The following TTC8 variants were observed in gnomAD, a reference collection of about 807,000 sequenced individuals.
TTC8 encodes tetratricopeptide repeat protein 8.
A neutral mutation model predicts 72.5 loss-of-function variants in TTC8; 47 were observed. That is an observed-to-expected ratio of 0.65 (90% CI 0.51 to 0.83). The LOEUF (loss-of-function observed/expected upper bound fraction) is 0.83. Ranked by LOEUF, TTC8 falls within the 40% of genes least tolerant of loss-of-function variation. The probability of loss-of-function intolerance (pLI) is 0.00; values close to 1 mark genes in which losing one functional copy is unlikely to be tolerated. For synonymous variants in TTC8, 199 were observed against 221.4 expected (o/e 0.90, Z 0.90); for missense variants, 611 against 623.2 (o/e 0.98, Z 0.21).
rs139659023 is a variant in TTC8 at position 88,824,729 on chromosome 14, C to T, written c.22C>T (p.Leu8=). Residue 8 remains leucine, a synonymous_variant, in exon 1 of 15, where the codon CTG becomes TTG. Transcript: ENST00000380656. ...AGCCATGAGCTCGGAGATGGAGCCG[C>T]TGCTCCTGGCCTGGAGCTATTTTAG... The part of the protein sequence containing the change: MSSEMEP[L]LLAWSYFRRR... 58 of 1,610,510 alleles carry T rather than the reference C, an allele frequency of 3.6e-5. No individual in the cohort carries two copies. The highest frequency in any genetic ancestry group is 5.5e-5 in the South Asian group (5 of 90,346).
At chr14:88,839,645 A>G in intron 3 of TTC8, 73 bp downstream of exon 3, 1 of 1,504,964 alleles carries the variant, frequency 6.6e-7, no homozygotes, top group Non-Finnish European at 9.2e-7. Flanking sequence ...AGAGGAATAT[A>G]TATGCCTATA....
chr14:88,840,874 C>T lies in TTC8; in HGVS notation c.275C>T (p.Thr92Met), dbSNP rs886050877. 10 of 1,613,922 alleles carry T rather than the reference C, an allele frequency of 6.2e-6. No individual in the cohort carries two copies. Among genetic ancestry groups the T allele is most frequent in the Admixed American group, 3.3e-5 (2 of 59,966 alleles). Reference sequence around the variant, plus strand: ...CCATCTTGTCTCCTAGGCCCTGGAACGTCTTTGAAACTCCCTGGAACTAAT... The same window carrying T: ...CCATCTTGTCTCCTAGGCCCTGGAATGTCTTTGAAACTCCCTGGAACTAAT... ...NAIAQVPRPG[T>M]SLKLPGTNQT... Residue 92 changes from threonine (T) to methionine (M), a missense_variant, in exon 4 of 15, where the codon ACG becomes ATG. By Grantham distance (81) the Thr-to-Met change is moderately conservative. Transcript: ENST00000380656.
At chr14:88,844,441 T>C (rs972049893) in intron 7 of TTC8, among the ~76,000 whole-genome samples, 3 of 152,226 alleles carry the variant, frequency 2.0e-5, no homozygotes, top group Admixed American at 6.5e-5. Flanking sequence ...CAGTGTCTGA[T>C]TGCATGTTTT....
intron 9 of TTC8, among the ~76,000 whole-genome samples, chr14:88,858,208 C>T (rs775359181): frequency 5.3e-5 from 8 of 152,134 alleles, no homozygotes; most frequent in Non-Finnish European, 1.0e-4. Flanking sequence ...GTGATCCTCC[C>T]GCCTCAGCCT....
intron 9 of TTC8, 76 bp downstream of exon 9, chr14:88,857,353 G>A: frequency 8.2e-7 from 1 of 1,216,758 alleles, no homozygotes; most frequent in Non-Finnish European, 1.2e-6. Flanking sequence ...CATGGGGAGA[G>A]TAAACAGCTT....
rs1315964041 is a variant in TTC8 at position 88,869,019 on chromosome 14, G to C, written c.910-1040G>C. On this transcript the variant is annotated intron_variant, in intron 10 of 14. Transcript: ENST00000380656. ...ATTCTGTTTAAAAAAAGCACTGCAT[G>C]GTGCTTCTTAACAATCAGTAGAGTC... is the stretch of plus-strand genomic sequence containing the variant. Among the ~76,000 whole-genome samples, 7 of 152,138 alleles carry C rather than the reference G, an allele frequency of 4.6e-5. No homozygotes were observed. The East Asian group carries it at 1.3e-3, about 29-fold the overall frequency.
At chr14:88,840,704 T>C in intron 3 of TTC8, 161 bp from the exon 4 acceptor site, 1 of 706,648 alleles carries the variant, frequency 1.4e-6, no homozygotes, top group Non-Finnish European at 2.5e-6. Context: ...ACATGATAGG[T>C]ACTCATTAAA....
intron 1 of TTC8, among the ~76,000 whole-genome samples, chr14:88,830,531 TTTA>T (rs2094720868): frequency 6.6e-6 from 1 of 152,174 alleles, no homozygotes; most frequent in South Asian, 2.1e-4. Context: ...AATGCAAGGT[TTTA>T]TTATTAGTCC....
chr14:88,846,585 T>C (rs1432008083), intron 7 of TTC8: 7 of 1,382,994 alleles, frequency 5.1e-6, no homozygotes, highest in Non-Finnish European at 5.9e-6. Flanking sequence ...GTGACAATGT[T>C]TTTTATTAAT....
intron 1 of TTC8, among the ~76,000 whole-genome samples, chr14:88,826,170 A>G (rs1186540270): frequency 6.6e-5 from 10 of 151,296 alleles, no homozygotes; most frequent in Non-Finnish European, 1.2e-4. Context: ...TTGTATTTTT[A>G]GTAGAGACGG....
rs202163736 is a variant in TTC8 at position 88,843,788 on chromosome 14, A to G, written c.580-18A>G. ...AAAAAAAAAATCTAACGTATTTTTG[A>G]CACTTTTTTCTTCACAGGCTTTGTT... On this transcript the variant is annotated intron_variant, in intron 6 of 14. Transcript: ENST00000380656. 27 of 1,583,128 alleles carry G rather than the reference A, an allele frequency of 1.7e-5. No individual in the cohort carries two copies. In the South Asian group the frequency reaches 3.0e-4, roughly 17 times the overall value.
chr14:88,870,358 CA>C (rs2141033877), intron 11 of TTC8, among the ~76,000 whole-genome samples, 160 bp downstream of exon 11: 1 of 152,254 alleles, frequency 6.6e-6, no homozygotes, highest in East Asian at 1.9e-4. Context: ...AAGTGACATC[CA>C]ATAATTTGGA....
At chr14:88,824,906 CG>C (rs1340210892) in intron 1 of TTC8, 85 bp downstream of exon 1, 3 of 1,326,268 alleles carry the variant, frequency 2.3e-6, no homozygotes, top group African/African-American at 2.9e-5. Context: ...GTTGGGAGGC[CG>C]GGGAGGAAGG....
chr14:88,863,996 A>G (rs771281028), intron 10 of TTC8, among the ~76,000 whole-genome samples: 2 of 152,176 alleles, frequency 1.3e-5, no homozygotes, highest in Non-Finnish European at 2.9e-5. Flanking sequence ...GGCTTCCAAT[A>G]TAATATTGAA....
At chr14:88,845,603 G>A (rs551610090) in intron 7 of TTC8, among the ~76,000 whole-genome samples, 28 of 152,190 alleles carry the variant, frequency 1.8e-4, no homozygotes, top group Non-Finnish European at 3.1e-4. Flanking sequence ...AGCTGGTGAG[G>A]GGCTTTCAGC....
Position 88,874,251 on chromosome 14 carries a change from A to T in TTC8, c.1348-775A>T, listed in dbSNP as rs182851244. Among the ~76,000 whole-genome samples the T allele has an allele frequency of 7.2e-4, 109 of 152,190 alleles. 1 individual carries two copies. The East Asian group carries it at 0.017, about 24-fold the overall frequency. Reference sequence around the variant, plus strand: ...TTTCATTCTATATTAGCTTGATATCATTTTGTTTTCCATTAAAAAAGTTAT... The same window carrying T: ...TTTCATTCTATATTAGCTTGATATCTTTTTGTTTTCCATTAAAAAAGTTAT... On this transcript the variant is annotated intron_variant, in intron 13 of 14. Coordinates refer to ENST00000380656, the MANE Select transcript of TTC8 (RefSeq NM_144596.4).
Position 88,841,411 on chromosome 14 carries a change from T to C in TTC8, c.490-14T>C. ...AAGTTTCAGATCTCTTGGTCTATTG[T>C]TTTTCCTCTGTAGGCTTCCATGCTT... is the stretch of plus-strand genomic sequence containing the variant. On this transcript the variant is annotated splice_polypyrimidine_tract_variant and intron_variant, in intron 5 of 14. Transcript: ENST00000380656. 1 of 1,612,946 alleles carries C rather than the reference T, an allele frequency of 6.2e-7. No homozygotes were observed. Among genetic ancestry groups the C allele is most frequent in the Non-Finnish European group, 8.5e-7 (1 of 1,179,142 alleles).
Position 88,839,244 on chromosome 14 carries a change from T to C in TTC8, c.145-208T>C, listed in dbSNP as rs538022714. 3.9e-4 allele frequency among the ~76,000 whole-genome samples: 59 copies of C among 152,268 alleles called. No individual in the cohort carries two copies. In the South Asian group the frequency reaches 9.5e-3, roughly 25 times the overall value. ...AATTACCCCACTTCTATTTACTATG[T>C]AATTGATACATTGGTTGTTTCTTGA... is the stretch of plus-strand genomic sequence containing the variant. On this transcript the variant is annotated intron_variant, in intron 2 of 14. Transcript: ENST00000380656.
intron 8 of TTC8, among the ~76,000 whole-genome samples, chr14:88,856,426 C>G (rs1199084160): frequency 1.3e-5 from 2 of 152,242 alleles, no homozygotes; most frequent in African/African-American, 4.8e-5. Context: ...AAAACATTAT[C>G]GTATCTGAGT....
Sources: allele counts gnomAD v4.1 joint callset (sites outside exome capture counted in the v4.1 genomes callset), GRCh38; gene constraint gnomAD v4.1.1; transcripts MANE v1.5; gene names NCBI Gene and HGNC (gene_info 2026-07-23, HGNC 2026-07-21).